The following NRXN3 variants were observed in gnomAD, a reference collection of about 807,000 sequenced individuals.
NRXN3 encodes neurexin III.
A neutral mutation model predicts 137.6 loss-of-function variants in NRXN3; 32 were observed. That is an observed-to-expected ratio of 0.23 (90% CI 0.18 to 0.31). The LOEUF is 0.31. Ranked by LOEUF, NRXN3 falls within the 10% of genes least tolerant of loss-of-function variation. NRXN3 has a pLI of 1.00. For missense variants in NRXN3, 1,574 were observed against 2,062.5 expected, an observed-to-expected ratio of 0.76 and a Z score of 4.59; for synonymous variants, 798 against 784.5, an observed-to-expected ratio of 1.02 and a Z score of -0.29.
chr14:78,481,229 G>A (rs2095468788), intron 4 of NRXN3, among the ~76,000 whole-genome samples: 1 of 152,222 alleles, frequency 6.6e-6, no homozygotes, highest in South Asian at 2.1e-4. Context: ...AATTTTGTTG[G>A]TGAATGATAG....
chr14:79,120,015 C>G (rs1275996899), intron 15 of NRXN3, among the ~76,000 whole-genome samples: 2 of 151,916 alleles, frequency 1.3e-5, no homozygotes, highest in African/African-American at 2.4e-5. Flanking sequence ...TGTATATTAA[C>G]TTTTCTGAGC....
chr14:78,931,434 G>A (rs2099321575), intron 10 of NRXN3, among the ~76,000 whole-genome samples: 1 of 152,098 alleles, frequency 6.6e-6, no homozygotes, highest in African/African-American at 2.4e-5. Flanking sequence ...TAATTTCCAT[G>A]CGATAATGAT....
Position 78,425,334 on chromosome 14 carries a change from A to G in NRXN3, c.757+127474A>G, listed in dbSNP as rs181725895. Among the ~76,000 whole-genome samples, 112 of 152,272 alleles carry G rather than the reference A, an allele frequency of 7.4e-4. 1 individual carries two copies. The highest frequency in any genetic ancestry group is 2.0e-3 in the Admixed American group (31 of 15,296). On this transcript the variant is annotated intron_variant, in intron 4 of 20. Transcript: ENST00000335750. ...TTAAGTGTTTCAGAAATGTTTCTAG[A>G]TTTTAGCTGAGGTCCTGTGGCATCT...
At chr14:78,687,600 C>A (rs1209469878) in intron 6 of NRXN3, among the ~76,000 whole-genome samples, 2 of 152,186 alleles carry the variant, frequency 1.3e-5, no homozygotes, top group Non-Finnish European at 2.9e-5. Flanking sequence ...AGGTTTATTT[C>A]TCAGTAATTT....
At chr14:79,119,975 A>G (rs916267928) in intron 15 of NRXN3, among the ~76,000 whole-genome samples, 1 of 152,126 alleles carries the variant, frequency 6.6e-6, no homozygotes, top group African/African-American at 2.4e-5. Flanking sequence ...TTTATTTTAT[A>G]TTACCACTAT....
intron 14 of NRXN3, among the ~76,000 whole-genome samples, chr14:78,976,009 A>G (rs1450317505): frequency 1.3e-5 from 2 of 152,070 alleles, no homozygotes; most frequent in Non-Finnish European, 1.5e-5. Flanking sequence ...TGTACCTTGG[A>G]CAGAATGACA....
At chr14:79,343,100 G>T (rs1004084595) in intron 15 of NRXN3, among the ~76,000 whole-genome samples, 1 of 152,066 alleles carries the variant, frequency 6.6e-6, no homozygotes, top group Non-Finnish European at 1.5e-5. Context: ...GGTGTCAGCC[G>T]ATCCATCCTG....
At chr14:79,590,700 G>A (rs1423094901) in intron 16 of NRXN3, among the ~76,000 whole-genome samples, 2 of 152,094 alleles carry the variant, frequency 1.3e-5, no homozygotes, top group Non-Finnish European at 2.9e-5. Flanking sequence ...TATGCCCCTG[G>A]TACAGGAGTG....
At chr14:78,263,535 G>A (rs1056495837) in intron 2 of NRXN3, among the ~76,000 whole-genome samples, 1 of 152,034 alleles carries the variant, frequency 6.6e-6, no homozygotes, top group African/African-American at 2.4e-5. Context: ...ATAATTCCTC[G>A]ATTCATTTTT....
At chr14:79,105,030 G>A (rs1440394094) in intron 15 of NRXN3, among the ~76,000 whole-genome samples, 7 of 152,100 alleles carry the variant, frequency 4.6e-5, no homozygotes, top group Admixed American at 4.6e-4. Flanking sequence ...CACTGAGACT[G>A]AAATAGCAGT....
At chr14:79,559,288 G>A (rs1429027233) in intron 16 of NRXN3, among the ~76,000 whole-genome samples, 1 of 152,060 alleles carries the variant, frequency 6.6e-6, no homozygotes, top group East Asian at 1.9e-4. Context: ...TCCTCACCAA[G>A]CTTACTCACT....
intron 19 of NRXN3, among the ~76,000 whole-genome samples, chr14:79,785,737 G>A (rs556613996): frequency 1.3e-5 from 2 of 152,092 alleles, no homozygotes; most frequent in South Asian, 4.1e-4. Context: ...AAAAAGAAAG[G>A]TTGAATGAAT....
rs2067543615 is a variant in NRXN3, at chr14:78,245,518, G to A, written c.709+1716G>A. ...TTCATTCAGATAAGGCCCTGCTATT[G>A]GGATGTGTAATTAAAGACTGCAGGT... On this transcript the variant is annotated intron_variant, in intron 2 of 20. Transcript: ENST00000335750. Among the ~76,000 whole-genome samples, 5 of 152,280 alleles carry A rather than the reference G, an allele frequency of 3.3e-5. No homozygotes were observed. The South Asian group carries it at 8.3e-4, about 25-fold the overall frequency.
chr14:78,440,406 G>A (rs2094205328), intron 4 of NRXN3, among the ~76,000 whole-genome samples: 1 of 151,068 alleles, frequency 6.6e-6, no homozygotes, highest in Non-Finnish European at 1.5e-5. Flanking sequence ...TACTGTTATT[G>A]CAGCTATTAT....
intron 15 of NRXN3, among the ~76,000 whole-genome samples, chr14:79,014,735 G>A (rs1043703902): frequency 1.3e-5 from 2 of 152,196 alleles, no homozygotes; most frequent in African/African-American, 4.8e-5. Context: ...ACTCTGGCTT[G>A]TTGAGTTTCC....
intron 4 of NRXN3, among the ~76,000 whole-genome samples, chr14:78,389,856 T>A (rs906397205): frequency 2.6e-5 from 4 of 152,212 alleles, no homozygotes; most frequent in African/African-American, 9.6e-5. Context: ...ATTTGCGTTG[T>A]GTGATTTTTA....
intron 2 of NRXN3, among the ~76,000 whole-genome samples, chr14:78,244,479 C>G (rs1391301524): frequency 6.6e-6 from 1 of 151,890 alleles, no homozygotes; most frequent in Admixed American, 6.6e-5. Context: ...CTACCTGTGT[C>G]TCTCCTGAGC....
At chr14:79,225,175 G>A (rs1294534740) in intron 15 of NRXN3, among the ~76,000 whole-genome samples, 1 of 152,196 alleles carries the variant, frequency 6.6e-6, no homozygotes, top group Non-Finnish European at 1.5e-5. Context: ...GCCTGTTCCA[G>A]ATGTTGGTGT....
At chr14:79,038,508 A>G (rs1240434886) in intron 15 of NRXN3, among the ~76,000 whole-genome samples, 1 of 152,118 alleles carries the variant, frequency 6.6e-6, no homozygotes, top group African/African-American at 2.4e-5. Flanking sequence ...TCTTTGTAGG[A>G]CCAAAATTTT....
Sources: allele counts gnomAD v4.1 joint callset (sites outside exome capture counted in the v4.1 genomes callset), GRCh38; gene constraint gnomAD v4.1.1; transcripts MANE v1.5; gene names NCBI Gene and HGNC (gene_info 2026-07-23, HGNC 2026-07-21).